RNF111: variants seen among roughly 807,000 people sequenced by gnomAD.
RNF111 encodes the protein ring finger protein 111, also known as E3 ubiquitin-protein ligase Arkadia.
A neutral mutation model predicts 95.1 loss-of-function variants in RNF111; 17 were observed. The observed-to-expected ratio is 0.18, with a 90% CI of 0.12 to 0.27. The LOEUF is 0.27. Among genes scored for constraint, RNF111 ranks in the 10% least tolerant of loss-of-function variants. The pLI, the probability that RNF111 is intolerant of heterozygous loss-of-function variation, is 1.00. For missense variants in RNF111, 1,189 were observed against 1,210.4 expected (o/e 0.98, Z 0.26); for synonymous variants, 440 against 414.8 (o/e 1.06, Z -0.74).
At chr15:59,076,253 T>C (rs766606625) in intron 7 of RNF111, 38 bp downstream of exon 7, 20 of 1,590,266 alleles carry the variant, frequency 1.3e-5, no homozygotes, top group Non-Finnish European at 1.7e-5. Context: ...TCTAGAGTCA[T>C]GTCAATGAAG....
At chr15:59,063,529 A>T (rs1371027982) in intron 5 of RNF111, among the ~76,000 whole-genome samples, 1 of 152,144 alleles carries the variant, frequency 6.6e-6, no homozygotes, top group Non-Finnish European at 1.5e-5. Flanking sequence ...CTATGGGTTA[A>T]TTTTAATAGA....
At chr15:59,028,781 A>ATTTTTTTTTTTTTTTTTT (rs34725448) in intron 1 of RNF111, among the ~76,000 whole-genome samples, 1 of 147,144 alleles carries the variant, frequency 6.8e-6, no homozygotes. Flanking sequence ...TTTGTGTTTA[A>ATTTTTTTTTTTTTTTTTT]TTTTTTTTTT....
chr15:59,032,723 A>T (rs995095838), intron 2 of RNF111, among the ~76,000 whole-genome samples: 2 of 152,090 alleles, frequency 1.3e-5, no homozygotes, highest in Admixed American at 1.3e-4. Flanking sequence ...GTTTGCTGTT[A>T]TCATGTTCTT....
intron 7 of RNF111, among the ~76,000 whole-genome samples, chr15:59,077,569 T>G (rs906416159): frequency 5.3e-5 from 8 of 152,242 alleles, no homozygotes; most frequent in African/African-American, 1.9e-4. Flanking sequence ...TTTAACAGTA[T>G]ATTTTGATTT....
At chr15:59,000,112 T>C (rs1370364380) in intron 1 of RNF111, among the ~76,000 whole-genome samples, 2 of 151,648 alleles carry the variant, frequency 1.3e-5, no homozygotes, top group Non-Finnish European at 2.9e-5. Context: ...TCAGTAGATA[T>C]AACCCATATA....
chr15:59,031,819 A>C (rs1354314556), intron 2 of RNF111, 117 bp downstream of exon 2: 9 of 878,694 alleles, frequency 1.0e-5, no homozygotes, highest in Non-Finnish European at 1.6e-5. Flanking sequence ...ATTAACTTTT[A>C]TTTTTAAGTC....
intron 1 of RNF111, among the ~76,000 whole-genome samples, chr15:59,024,191 C>T (rs1455426743): frequency 1.3e-5 from 2 of 152,140 alleles, no homozygotes; most frequent in Non-Finnish European, 2.9e-5. Flanking sequence ...TTATTATTCT[C>T]ATTCTGCATA....
At chr15:59,044,231 A>G (rs1566905659) in intron 2 of RNF111, among the ~76,000 whole-genome samples, 2 of 152,182 alleles carry the variant, frequency 1.3e-5, no homozygotes, top group South Asian at 2.1e-4. Context: ...GGGTTTTGCC[A>G]TGTTGGCCAG....
intron 1 of RNF111, among the ~76,000 whole-genome samples, chr15:58,989,345 T>A (rs1160341594): frequency 2.0e-5 from 3 of 152,250 alleles, no homozygotes; most frequent in Non-Finnish European, 2.9e-5. Flanking sequence ...TTGGACACTT[T>A]CTTGCCATTT....
intron 5 of RNF111, 150 bp downstream of exon 5, chr15:59,058,700 T>C: frequency 2.9e-6 from 2 of 684,588 alleles, no homozygotes; most frequent in Admixed American, 5.5e-5. Flanking sequence ...GTAGTCTTTA[T>C]TATAATTAGG....
In RNF111 at chr15:59,011,152, A is replaced by G. The variant is rs1243850838; in HGVS notation, c.-19-19652A>G. ...ATAGTTTATTCAGGGAAACTCTGCC[A>G]TGAGAAATAGGGTAATTGGGTCTCT... On this transcript the variant is annotated intron_variant, in intron 1 of 13. Coordinates refer to ENST00000348370, the MANE Select transcript of RNF111 (RefSeq NM_017610.8). Among the ~76,000 whole-genome samples, 7 of 152,312 alleles carry G rather than the reference A, an allele frequency of 4.6e-5. No individual in the cohort carries two copies. In the East Asian group the frequency reaches 1.2e-3, roughly 25 times the overall value.
intron 5 of RNF111, among the ~76,000 whole-genome samples, chr15:59,059,788 G>T (rs1009228359): frequency 6.6e-6 from 1 of 152,040 alleles, no homozygotes; most frequent in Non-Finnish European, 1.5e-5. Context: ...TTGGATAATG[G>T]TACAGAGATA....
chr15:59,049,975 C>T (rs1444016103), intron 2 of RNF111, among the ~76,000 whole-genome samples: 3 of 151,630 alleles, frequency 2.0e-5, no homozygotes, highest in Non-Finnish European at 4.4e-5. Context: ...CTCCTGACCT[C>T]ATGATCCTCC....
At chr15:59,021,756 GT>G in intron 1 of RNF111, among the ~76,000 whole-genome samples, 1 of 152,240 alleles carries the variant, frequency 6.6e-6, no homozygotes, top group Middle Eastern at 3.4e-3. Context: ...ACTGTTCACT[GT>G]TTATCACTCA....
At chr15:59,083,993 T>A in intron 8 of RNF111, 136 bp from the exon 9 acceptor site, 1 of 615,254 alleles carries the variant, frequency 1.6e-6, no homozygotes, top group Non-Finnish European at 2.3e-6. Context: ...TTTTTATAAT[T>A]TATTATAAAA....
rs186928682 is a variant in RNF111 at position 59,021,821 on chromosome 15, A to G, written c.-19-8983A>G. 1.2e-4 allele frequency among the ~76,000 whole-genome samples: 18 copies of G among 152,212 alleles called. No individual in the cohort carries two copies. In the East Asian group the frequency reaches 3.3e-3, roughly 28 times the overall value. On this transcript the variant is annotated intron_variant, in intron 1 of 13. Coordinates refer to ENST00000348370, the MANE Select transcript of RNF111 (RefSeq NM_017610.8). ...ATTTCACTTGTTTCCTAGATTTACT[A>G]TAGCTTTTTGGTTATTGCTATGCGT...
At chr15:59,009,690 C>T (rs913979173) in intron 1 of RNF111, among the ~76,000 whole-genome samples, 4 of 151,982 alleles carry the variant, frequency 2.6e-5, no homozygotes, top group African/African-American at 7.2e-5. Flanking sequence ...CACAGTGGCT[C>T]ATGCCTGTAA....
At chr15:59,007,144 G>C (rs776642384) in intron 1 of RNF111, among the ~76,000 whole-genome samples, 2 of 152,098 alleles carry the variant, frequency 1.3e-5, no homozygotes, top group Non-Finnish European at 2.9e-5. Context: ...TTTGCCAAAT[G>C]CATCTATTTA....
intron 1 of RNF111, among the ~76,000 whole-genome samples, chr15:59,018,464 T>C (rs1356300308): frequency 6.6e-6 from 1 of 152,168 alleles, no homozygotes; most frequent in East Asian, 1.9e-4. Flanking sequence ...TGTTCTAATA[T>C]AGTGAAAAAT....
Sources: gnomAD v4.1 joint callset for allele counts (sites outside exome capture counted in the v4.1 genomes callset) on GRCh38, gnomAD v4.1.1 for gene constraint, MANE v1.5 for transcripts, NCBI Gene and HGNC (gene_info 2026-07-23, HGNC 2026-07-21) for gene names.